Variants in DAB1 observed in about 807,000 individuals in gnomAD.
DAB1 encodes the protein DAB adaptor protein 1, also known as disabled homolog 1.
DAB1 carries 15 observed loss-of-function variants against 64.6 expected under a neutral mutation model. The observed-to-expected ratio is 0.23, with a 90% CI of 0.16 to 0.36. The LOEUF (loss-of-function observed/expected upper bound fraction) is 0.36. DAB1 is among the 10% of genes least tolerant of loss of function. DAB1 has a pLI of 1.00. For synonymous variants in DAB1, 235 were observed against 251.9 expected, an observed-to-expected ratio of 0.93 and a Z score of 0.64; for missense variants, 596 against 706.7, an observed-to-expected ratio of 0.84 and a Z score of 1.78.
chr1:57,641,379 G>GT (rs34105483), intron 7 of DAB1, among the ~76,000 whole-genome samples: 40,800 of 107,842 alleles, frequency 0.38, 9,487 homozygotes, highest in Non-Finnish European at 0.49. Flanking sequence ...TTTTTTGTTG[G>GT]TTTTTTTTTT....
At chr1:58,389,794 G>A (rs1225215706) in intron 3 of DAB1, among the ~76,000 whole-genome samples, 2 of 152,154 alleles carry the variant, frequency 1.3e-5, no homozygotes, top group Non-Finnish European at 2.9e-5. Context: ...GCAGGGGAGA[G>A]AAGGAGCTGG....
intron 2 of DAB1, among the ~76,000 whole-genome samples, chr1:57,183,012 C>G (rs951028838): frequency 6.6e-6 from 1 of 152,174 alleles, no homozygotes; most frequent in African/African-American, 2.4e-5. Flanking sequence ...CTGGATAGCA[C>G]TGATACATAG....
chr1:57,747,895 G>GC (rs71051252), intron 6 of DAB1, among the ~76,000 whole-genome samples: 85,169 of 149,376 alleles, frequency 0.57, 24,383 homozygotes, highest in Admixed American at 0.62. Context: ...TAAAGGGACA[G>GC]AAAAAATAGA....
intron 7 of DAB1, among the ~76,000 whole-genome samples, chr1:57,486,970 G>GA (rs938375071): frequency 1.4e-4 from 20 of 147,024 alleles, no homozygotes; most frequent in South Asian, 4.5e-4. Flanking sequence ...AAAAAAAAAA[G>GA]AAAAAAAAAC....
At chr1:57,042,579 C>T (rs1417472741) in intron 9 of DAB1, among the ~76,000 whole-genome samples, 1 of 152,112 alleles carries the variant, frequency 6.6e-6, no homozygotes, top group African/African-American at 2.4e-5. Context: ...GACTCTAGTT[C>T]CTCATATGGG....
Position 56,995,067 on chromosome 1 carries a change from G to A in DAB1, c.*3077C>T, listed in dbSNP as rs970784184. 1.3e-5 allele frequency: 2 copies of A among 152,156 alleles called. No individual in the cohort carries two copies. The highest frequency in any genetic ancestry group is 2.9e-5 in the Non-Finnish European group (2 of 68,040). The allele number at this position is 152,156 out of a possible 1,614,324, so 9.4% of individuals were successfully genotyped here. A position where few individuals can be genotyped will look rare whatever the true frequency, so the allele number is the denominator to read the frequency against. On this transcript the variant is annotated 3_prime_UTR_variant, in exon 15 of 15. Coordinates refer to ENST00000371236, the MANE Select transcript of DAB1 (RefSeq NM_001365792.1). ...AGTAAACATTTGTTTAAAAGAAGGTGCCCAGTACATTACATGATGGGGTTT... is the reference window on the plus strand; with the variant it reads ...AGTAAACATTTGTTTAAAAGAAGGTACCCAGTACATTACATGATGGGGTTT...
At chr1:58,393,604 T>C (rs902271742) in intron 3 of DAB1, among the ~76,000 whole-genome samples, 3 of 152,172 alleles carry the variant, frequency 2.0e-5, no homozygotes, top group East Asian at 1.9e-4. Flanking sequence ...ATTATATTCA[T>C]CATGAAGAAC....
chr1:57,925,006 C>T (rs1192060977), intron 5 of DAB1, among the ~76,000 whole-genome samples: 4 of 152,194 alleles, frequency 2.6e-5, no homozygotes, highest in African/African-American at 9.7e-5. Context: ...GTAGAATCCA[C>T]AGCAATATCT....
intron 3 of DAB1, among the ~76,000 whole-genome samples, chr1:58,486,509 C>T (rs537506874): frequency 6.6e-6 from 1 of 152,280 alleles, no homozygotes; most frequent in Admixed American, 6.5e-5. Context: ...TATTATATTG[C>T]TTATCCTGCC....
At chr1:57,424,678 T>C (rs1685198897), upstream of DAB1, among the ~76,000 whole-genome samples, 1 of 152,176 alleles carries the variant, frequency 6.6e-6, no homozygotes, top group Non-Finnish European at 1.5e-5. Flanking sequence ...CGAGGGCATG[T>C]TGCCCCCACG....
At chr1:58,515,294 T>C (rs1013180773) in intron 2 of DAB1, among the ~76,000 whole-genome samples, 3 of 152,204 alleles carry the variant, frequency 2.0e-5, no homozygotes, top group Non-Finnish European at 4.4e-5. Flanking sequence ...AGAAAACTTA[T>C]CAAAAATACT....
chr1:57,213,066 G>A (rs1666151751), intron 2 of DAB1, among the ~76,000 whole-genome samples: 1 of 152,076 alleles, frequency 6.6e-6, no homozygotes, highest in Non-Finnish European at 1.5e-5. Flanking sequence ...AGTGGACTGT[G>A]CTGCCCAGGG....
At chr1:58,165,355 A>G (rs1236263875) in intron 4 of DAB1, among the ~76,000 whole-genome samples, 2 of 152,120 alleles carry the variant, frequency 1.3e-5, no homozygotes, top group Non-Finnish European at 2.9e-5. Context: ...CCTCCTTCCC[A>G]TTAGTCACCT....
intron 5 of DAB1, among the ~76,000 whole-genome samples, chr1:57,896,722 T>A (rs1644397190): frequency 6.6e-6 from 1 of 152,126 alleles, no homozygotes; most frequent in Non-Finnish European, 1.5e-5. Context: ...TTGTTATGAG[T>A]ATTAAATGAG....
chr1:57,667,741 C>T (rs1489769339), intron 6 of DAB1, among the ~76,000 whole-genome samples: 1 of 151,974 alleles, frequency 6.6e-6, no homozygotes, highest in Non-Finnish European at 1.5e-5. Context: ...ATGGATGAAG[C>T]TGGAAACCAT....
In DAB1 at chr1:58,188,825, T is replaced by C. The variant is rs569626636; in HGVS notation, n.310-38237A>G. Among the ~76,000 whole-genome samples the C allele has an allele frequency of 4.6e-5, 7 of 152,332 alleles. No homozygotes were observed. The East Asian group carries it at 1.2e-3, about 25-fold the overall frequency. On this transcript the variant is annotated intron_variant and non_coding_transcript_variant, in intron 4 of 20. Coordinates refer to the DAB1 transcript ENST00000485760. ...CTTTGTTTTTCTCTGTTTACACTTGTATGACCAAAGCTGAAGGTAGCTGAG... is the reference window on the plus strand; with the variant it reads ...CTTTGTTTTTCTCTGTTTACACTTGCATGACCAAAGCTGAAGGTAGCTGAG...
At chr1:57,432,453 C>A (rs1002760765) in intron 7 of DAB1, among the ~76,000 whole-genome samples, 3 of 151,906 alleles carry the variant, frequency 2.0e-5, no homozygotes, top group East Asian at 1.9e-4. Flanking sequence ...AACTGTGTAT[C>A]AAAAGATGGA....
At chr1:57,260,261 CCAAA>C (rs1223340488) in intron 2 of DAB1, among the ~76,000 whole-genome samples, 1 of 152,152 alleles carries the variant, frequency 6.6e-6, no homozygotes, top group Non-Finnish European at 1.5e-5. Context: ...GTCTCAGTGA[CCAAA>C]CAGTCCACCT....
intron 6 of DAB1, among the ~76,000 whole-genome samples, chr1:57,673,121 G>A (rs528367391): frequency 1.8e-4 from 27 of 152,092 alleles, no homozygotes; most frequent in Non-Finnish European, 2.8e-4. Flanking sequence ...TGGCAAATTA[G>A]GTGTCTGGTG....
Sources: allele counts gnomAD v4.1 joint callset (sites outside exome capture counted in the v4.1 genomes callset), GRCh38; gene constraint gnomAD v4.1.1; transcripts MANE v1.5; gene names NCBI Gene and HGNC (gene_info 2026-07-23, HGNC 2026-07-21).